The following GNA12 variants were observed in gnomAD, a reference collection of about 807,000 sequenced individuals.
GNA12 encodes G protein subunit alpha 12, also known as guanine nucleotide-binding protein subunit alpha-12.
GNA12 carries 9 observed loss-of-function variants against 26.0 expected under a neutral mutation model. The ratio of observed to expected loss-of-function variants is 0.35; its 90% confidence interval spans 0.21 to 0.60. The LOEUF is 0.60. Ranked by LOEUF, GNA12 falls within the 20% of genes least tolerant of loss-of-function variation. The probability of loss-of-function intolerance (pLI) is 0.78; values close to 1 mark genes in which losing one functional copy is unlikely to be tolerated. For missense variants in GNA12, 405 were observed against 525.8 expected, an observed-to-expected ratio of 0.77 and a Z score of 2.25; for synonymous variants, 264 against 219.6, an observed-to-expected ratio of 1.20 and a Z score of -1.79.
intron 2 of GNA12, among the ~76,000 whole-genome samples, chr7:2,745,928 A>G (rs1342192600): frequency 1.3e-5 from 2 of 152,222 alleles, no homozygotes; most frequent in African/African-American, 4.8e-5. Context: ...AAAGAAGGCC[A>G]TTACATAATG....
Position 2,791,035 on chromosome 7 carries a change from C to T in GNA12, c.525+3893G>A, listed in dbSNP as rs571673501. 2.0e-5 allele frequency among the ~76,000 whole-genome samples: 3 copies of T among 151,666 alleles called. No individual in the cohort carries two copies. The East Asian group carries it at 5.8e-4, about 29-fold the overall frequency. On this transcript the variant is annotated intron_variant, in intron 2 of 3. Transcript: ENST00000275364. ...TACTCAAAAGTAGATAATTCATCCACATTTGTAGTATGTAGGCAATATCAT... is the reference window on the plus strand; with the variant it reads ...TACTCAAAAGTAGATAATTCATCCATATTTGTAGTATGTAGGCAATATCAT...
At chr7:2,796,835 G>A (rs775771051) in intron 1 of GNA12, among the ~76,000 whole-genome samples, 13 of 152,148 alleles carry the variant, frequency 8.5e-5, no homozygotes, top group Non-Finnish European at 1.6e-4. Context: ...TATTCTCTCA[G>A]CAAAAACAGC....
At chr7:2,834,889 G>A (rs778405834) in intron 1 of GNA12, among the ~76,000 whole-genome samples, 22 of 152,028 alleles carry the variant, frequency 1.4e-4, no homozygotes, top group African/African-American at 4.1e-4. Context: ...GGATGTTTGC[G>A]TAAGAACCTC....
intron 2 of GNA12, among the ~76,000 whole-genome samples, chr7:2,793,594 T>A (rs1792575153): frequency 6.6e-6 from 1 of 151,714 alleles, no homozygotes; most frequent in Admixed American, 6.6e-5. Flanking sequence ...GTAAAAGATA[T>A]GAATAGGGTG....
intron 2 of GNA12, among the ~76,000 whole-genome samples, chr7:2,741,734 T>C (rs1043380950): frequency 2.0e-5 from 3 of 151,926 alleles, no homozygotes; most frequent in Non-Finnish European, 4.4e-5. Flanking sequence ...TGAGAGCAAG[T>C]TGTTTACCCC....
chr7:2,814,379 C>G, intron 1 of GNA12: 1 of 1,573,984 alleles, frequency 6.4e-7, no homozygotes, highest in South Asian at 1.1e-5. Context: ...ATCTGGTGTG[C>G]TTCCCGAACC....
intron 1 of GNA12, among the ~76,000 whole-genome samples, chr7:2,831,473 T>G (rs1357976259): frequency 6.7e-6 from 1 of 149,242 alleles, no homozygotes. Context: ...GCGCGATCTC[T>G]GCTCACTGCA....
rs774731902 is a variant in GNA12, at chr7:2,814,275, G to C, written c.310-19132C>G. The C allele has an allele frequency of 5.8e-6, 6 of 1,025,900 alleles. No homozygotes were observed. In the South Asian group the frequency reaches 7.5e-5, roughly 13 times the overall value. 63.5% of individuals were successfully genotyped at this position (1,025,900 alleles called of 1,614,324 possible). A position where few individuals can be genotyped will look rare whatever the true frequency, so the allele number is the denominator to read the frequency against. On this transcript the variant is annotated intron_variant, in intron 1 of 3. Coordinates refer to ENST00000275364, the MANE Select transcript of GNA12 (RefSeq NM_007353.3). ...GGAGAATCCTGACTGAGATCAGGGA[G>C]ATCTGTGGCCGAGGAGTTGAACGGA...
chr7:2,844,177 G>A lies in GNA12; in HGVS notation c.-16C>T, dbSNP rs1332698631. The A allele has an allele frequency of 3.0e-5, 29 of 981,238 alleles. No individual in the cohort carries two copies. Among genetic ancestry groups the A allele is most frequent in the Non-Finnish European group, 3.3e-5 (27 of 828,530 alleles). 60.8% of individuals were successfully genotyped at this position (981,238 alleles called of 1,614,324 possible). A position where few individuals can be genotyped will look rare whatever the true frequency, so the allele number is the denominator to read the frequency against. The stretch of plus-strand genomic sequence containing the variant: ...CCCCGGACATGGCCCCTCAGGCCGC[G>A]GCCGCGCCCCGCCGGCGCCCGGGGG... On this transcript the variant is annotated 5_prime_UTR_variant, in exon 1 of 4. Coordinates refer to ENST00000275364, the MANE Select transcript of GNA12 (RefSeq NM_007353.3).
chr7:2,764,782 C>G (rs1420259131), intron 2 of GNA12: 1 of 152,252 alleles, frequency 6.6e-6, no homozygotes, highest in African/African-American at 2.4e-5. Flanking sequence ...CCCTCTCATT[C>G]TCCCAGCGTG....
Position 2,737,274 on chromosome 7 carries a change from G to C in GNA12, c.526-3773C>G, listed in dbSNP as rs1724918. On this transcript the variant is annotated intron_variant, in intron 2 of 3. Coordinates refer to ENST00000275364, the MANE Select transcript of GNA12 (RefSeq NM_007353.3). Reference sequence around the variant, plus strand: ...AGGAGCTATCTCACAGTTTTGTTTTGTTTTTTTTTTTTTTGTTTTTTTTTT... The same window carrying C: ...AGGAGCTATCTCACAGTTTTGTTTTCTTTTTTTTTTTTTTGTTTTTTTTTT... Among the ~76,000 whole-genome samples, 3 of 35,044 alleles carry C rather than the reference G, an allele frequency of 8.6e-5. 1 individual carries two copies. Among genetic ancestry groups the C allele is most frequent in the Non-Finnish European group, 1.8e-4 (3 of 17,034 alleles). The allele number at this position is 35,044 out of a possible 152,430, so 23.0% of individuals were successfully genotyped here. A position where few individuals can be genotyped will look rare whatever the true frequency, so the allele number is the denominator to read the frequency against.
chr7:2,790,659 T>G (rs1020132563), intron 2 of GNA12, among the ~76,000 whole-genome samples: 4 of 152,126 alleles, frequency 2.6e-5, no homozygotes, highest in African/African-American at 9.7e-5. Context: ...TCTAATTAAC[T>G]AGATCCTAAA....
rs374532530 is a variant in GNA12 at position 2,825,514 on chromosome 7, G to C, written c.309+18339C>G. Among the ~76,000 whole-genome samples, 25 of 152,342 alleles carry C rather than the reference G, an allele frequency of 1.6e-4. No individual in the cohort carries two copies. The South Asian group carries it at 4.8e-3, about 29-fold the overall frequency. On this transcript the variant is annotated intron_variant, in intron 1 of 3. Coordinates refer to ENST00000275364, the MANE Select transcript of GNA12 (RefSeq NM_007353.3). Reference sequence around the variant, plus strand: ...CATAATATGAAGACGCCATGAAGAAGATGTAAACTAGGGAAGGAGGTGCTG... The same window carrying C: ...CATAATATGAAGACGCCATGAAGAACATGTAAACTAGGGAAGGAGGTGCTG...
chr7:2,742,291 C>T (rs543615233), intron 2 of GNA12, among the ~76,000 whole-genome samples: 1 of 152,232 alleles, frequency 6.6e-6, no homozygotes. Context: ...GCTGGGATTA[C>T]AGGTGTGAGC....
intron 2 of GNA12, among the ~76,000 whole-genome samples, chr7:2,789,790 T>G (rs1006086171): frequency 3.3e-5 from 5 of 152,154 alleles, no homozygotes; most frequent in Non-Finnish European, 7.3e-5. Flanking sequence ...TGTGTGTGTG[T>G]GAGGCCTCAT....
chr7:2,774,055 T>C (rs1366267262), intron 2 of GNA12, among the ~76,000 whole-genome samples: 2 of 152,100 alleles, frequency 1.3e-5, no homozygotes, highest in East Asian at 3.9e-4. Flanking sequence ...AACGCAGAAA[T>C]ACCCATTCTA....
chr7:2,840,696 A>T (rs528164621), intron 1 of GNA12, among the ~76,000 whole-genome samples: 2 of 152,196 alleles, frequency 1.3e-5, no homozygotes, highest in African/African-American at 4.8e-5. Context: ...CCATCTCTAC[A>T]AAAATGAGCT....
intron 2 of GNA12, among the ~76,000 whole-genome samples, chr7:2,736,717 C>T (rs2115305751): frequency 6.6e-6 from 1 of 152,354 alleles, no homozygotes. Flanking sequence ...CTGTCACCCA[C>T]ACCTCCGGTG....
chr7:2,843,864 T>C lies in GNA12; in HGVS notation c.298A>G (p.Asn100Asp). 1.3e-6 allele frequency: 2 copies of C among 1,531,256 alleles called. No individual in the cohort carries two copies. Among genetic ancestry groups the C allele is most frequent in the Non-Finnish European group, 1.8e-6 (2 of 1,136,238 alleles). 94.9% of individuals were successfully genotyped at this position (1,531,256 alleles called of 1,614,324 possible). The change falls in exon 1 of 4, where the codon AAC (asparagine) becomes GAC (aspartate). Residue 100 changes from asparagine (N) to aspartate (D), a missense_variant. By Grantham distance (23) the Asn-to-Asp change is conservative. Coordinates refer to ENST00000275364, the MANE Select transcript of GNA12 (RefSeq NM_007353.3). ...GGGGCGCGCGTCACCTTGAGGATGT[T>C]GTCGAAGATGGTGTCGCGGAACTCC... is the stretch of plus-strand genomic sequence containing the variant. ...LLEFRDTIFD[N>D]ILKGSRVLVD...
Sources: gnomAD v4.1 joint callset for allele counts (sites outside exome capture counted in the v4.1 genomes callset) on GRCh38, gnomAD v4.1.1 for gene constraint, MANE v1.5 for transcripts, NCBI Gene and HGNC (gene_info 2026-07-23, HGNC 2026-07-21) for gene names.